GMDS: variants seen among roughly 807,000 people sequenced by gnomAD.
GMDS encodes the protein GDP-mannose 4,6 dehydratase.
Under a neutral mutation model 49.9 loss-of-function variants are expected in GMDS, and 20 were observed. The ratio of observed to expected loss-of-function variants is 0.40; its 90% CI spans 0.28 to 0.58. The LOEUF is 0.58. GMDS is among the 20% of genes least tolerant of loss of function. The probability of loss-of-function intolerance (pLI) is 0.42; values close to 1 mark genes in which losing one functional copy is unlikely to be tolerated. For synonymous variants in GMDS, 177 were observed against 178.6 expected, an observed-to-expected ratio of 0.99 and a Z score of 0.07; for missense variants, 362 against 481.4, an observed-to-expected ratio of 0.75 and a Z score of 2.32.
intron 7 of GMDS, among the ~76,000 whole-genome samples, chr6:1,873,006 G>A (rs910942626): frequency 2.6e-5 from 4 of 152,320 alleles, no homozygotes; most frequent in Middle Eastern, 3.4e-3. Flanking sequence ...TCTGGGAACC[G>A]CTGAAATCCC....
At chr6:1,721,529 T>C (rs1301311950) in intron 9 of GMDS, among the ~76,000 whole-genome samples, 1 of 152,144 alleles carries the variant, frequency 6.6e-6, no homozygotes, top group Non-Finnish European at 1.5e-5. Flanking sequence ...ATACTTTTCA[T>C]GAAAAATACT....
intron 7 of GMDS, among the ~76,000 whole-genome samples, chr6:1,912,769 A>C (rs540840979): frequency 3.9e-4 from 60 of 152,372 alleles, no homozygotes; most frequent in African/African-American, 1.3e-3. Context: ...ACAAAGTGAA[A>C]AATAAGTGCA....
chr6:1,718,150 C>T (rs973400435), intron 9 of GMDS, among the ~76,000 whole-genome samples: 1 of 152,114 alleles, frequency 6.6e-6, no homozygotes, highest in African/African-American at 2.4e-5. Context: ...CTTTTTCCCC[C>T]CTAGAAATGC....
chr6:2,041,828 A>T (rs937038918), intron 4 of GMDS, among the ~76,000 whole-genome samples: 2 of 152,248 alleles, frequency 1.3e-5, no homozygotes, highest in Admixed American at 6.5e-5. Context: ...AAAGTCTATT[A>T]CAAATAGCAG....
chr6:1,973,267 G>T (rs534402075), intron 4 of GMDS, among the ~76,000 whole-genome samples: 24 of 152,290 alleles, frequency 1.6e-4, no homozygotes, highest in South Asian at 2.1e-4. Flanking sequence ...CACTAGAGAT[G>T]TACACACAAT....
chr6:2,235,804 GAAAATAAAAA>G (rs753554372), intron 1 of GMDS, among the ~76,000 whole-genome samples: 76 of 139,108 alleles, frequency 5.5e-4, no homozygotes, highest in Middle Eastern at 7.8e-3. Flanking sequence ...ACCCTTTCTG[GAAAATAAAAA>G]AAAATAAAAA....
rs543430611 is a variant in GMDS, at chr6:2,191,189, C to T, written c.102+54132G>A. On this transcript the variant is annotated intron_variant, in intron 1 of 10. Coordinates refer to ENST00000380815, the MANE Select transcript of GMDS (RefSeq NM_001500.4). This position sits in a 1 kb window ranked among gnomAD's most constrained non-coding sequence, Gnocchi z 4.6. ...CAGCCATGTCCCCAGGGGTCCGCCC[C>T]GCATGGGGTGACCACCGGGCCTGAC... Among the ~76,000 whole-genome samples, 5 of 152,184 alleles carry T rather than the reference C, an allele frequency of 3.3e-5. No homozygotes were observed. The highest frequency in any genetic ancestry group is 4.2e-4 in the South Asian group (2 of 4,816).
At chr6:2,124,393 G>C (rs559900057) in intron 2 of GMDS, among the ~76,000 whole-genome samples, 1 of 152,176 alleles carries the variant, frequency 6.6e-6, no homozygotes, top group Non-Finnish European at 1.5e-5. Context: ...AAATTAACCC[G>C]AATCATGTTA....
chr6:2,067,944 C>T (rs1293284085), intron 4 of GMDS, among the ~76,000 whole-genome samples: 1,883 of 151,402 alleles, frequency 0.012, 45 homozygotes, highest in African/African-American at 0.044. Context: ...ATACCAAAGC[C>T]GGGCAGAGAC....
intron 7 of GMDS, among the ~76,000 whole-genome samples, chr6:1,798,237 G>GCAAA (rs1769813520): frequency 7.0e-6 from 1 of 143,338 alleles, no homozygotes; most frequent in Admixed American, 7.0e-5. Context: ...TAATTACAGA[G>GCAAA]CACACACACA....
intron 4 of GMDS, among the ~76,000 whole-genome samples, chr6:2,102,006 T>C (rs1432314558): frequency 6.6e-6 from 1 of 152,104 alleles, no homozygotes; most frequent in African/African-American, 2.4e-5. Flanking sequence ...ATTAACCATG[T>C]GAAAGTTAAA....
chr6:2,008,744 T>C (rs1029277957), intron 4 of GMDS, among the ~76,000 whole-genome samples: 1 of 152,230 alleles, frequency 6.6e-6, no homozygotes, highest in African/African-American at 2.4e-5. Flanking sequence ...GATTAACTAG[T>C]GCTTCATACT....
intron 1 of GMDS, among the ~76,000 whole-genome samples, chr6:2,200,421 G>A (rs187840036): frequency 1.3e-3 from 192 of 150,966 alleles, no homozygotes; most frequent in African/African-American, 4.4e-3. Flanking sequence ...ATGGACATCC[G>A]AGATGTAACC....
chr6:2,236,463 C>T (rs1240219505), intron 1 of GMDS, among the ~76,000 whole-genome samples: 1 of 152,196 alleles, frequency 6.6e-6, no homozygotes, highest in East Asian at 1.9e-4. Context: ...CTCCAACAAG[C>T]ATATATGCCA....
chr6:2,146,646 G>A (rs7740222), intron 1 of GMDS, among the ~76,000 whole-genome samples: 23,628 of 151,936 alleles, frequency 0.16, 4,158 homozygotes, highest in African/African-American at 0.43. Context: ...TTTGTACTCT[G>A]TATTCTTGCA....
At chr6:1,793,814 T>C (rs1769636543) in intron 7 of GMDS, among the ~76,000 whole-genome samples, 1 of 152,198 alleles carries the variant, frequency 6.6e-6, no homozygotes, top group Non-Finnish European at 1.5e-5. Context: ...TCTCAGTGCT[T>C]CTCCCAAATG....
At chr6:2,058,967 G>A (rs1431727056) in intron 4 of GMDS, among the ~76,000 whole-genome samples, 2 of 152,050 alleles carry the variant, frequency 1.3e-5, no homozygotes, top group Non-Finnish European at 2.9e-5. Flanking sequence ...CCTGAGTTCA[G>A]GAGTTCAACA....
At chr6:2,139,014 C>T (rs774919047) in intron 1 of GMDS, among the ~76,000 whole-genome samples, 1 of 152,228 alleles carries the variant, frequency 6.6e-6, no homozygotes, top group South Asian at 2.1e-4. Context: ...TATTTATTTA[C>T]TAACAAGTGA....
At chr6:1,792,977 A>G (rs1561808368) in intron 7 of GMDS, among the ~76,000 whole-genome samples, 1 of 152,302 alleles carries the variant, frequency 6.6e-6, no homozygotes, top group South Asian at 2.1e-4. Context: ...TATTCATATG[A>G]TAATTTCCTT....
Sources: allele counts gnomAD v4.1 joint callset (sites outside exome capture counted in the v4.1 genomes callset), GRCh38; gene constraint gnomAD v4.1.1; non-coding constraint Gnocchi (gnomAD v3.1); transcripts MANE v1.5; gene names NCBI Gene and HGNC (gene_info 2026-07-23, HGNC 2026-07-21).